Variants in RPS6KC1 observed in about 807,000 individuals in gnomAD.
The protein encoded by RPS6KC1 is ribosomal protein S6 kinase C1, also known as inactive ribosomal protein S6 kinase delta-1.
A neutral mutation model predicts 103.8 loss-of-function variants in RPS6KC1; 54 were observed. The ratio of observed to expected loss-of-function variants is 0.52; its 90% CI spans 0.42 to 0.65. The LOEUF (loss-of-function observed/expected upper bound fraction) is 0.65. Among genes scored for constraint, RPS6KC1 ranks in the 30% least tolerant of loss-of-function variants. The pLI is 0.00. For synonymous variants in RPS6KC1, 439 were observed against 438.7 expected (o/e 1.00, Z -0.01); for missense variants, 1,151 against 1,253.8 (o/e 0.92, Z 1.24).
the RPS6KC1 span, among the ~76,000 whole-genome samples, chr1:213,627,557 G>T: frequency 3.9e-5 from 6 of 152,096 alleles, no homozygotes; most frequent in Non-Finnish European, 8.8e-5. Flanking sequence ...TTGGCTGTGG[G>T]TTTGTCATAG....
chr1:213,398,737 G>A, the RPS6KC1 span, among the ~76,000 whole-genome samples: 3 of 151,844 alleles, frequency 2.0e-5, no homozygotes, highest in South Asian at 4.2e-4. Flanking sequence ...ATTCACCCTT[G>A]GCTTTATCCT....
At chr1:213,795,656 G>A in the RPS6KC1 span, among the ~76,000 whole-genome samples, 30 of 152,052 alleles carry the variant, frequency 2.0e-4, no homozygotes, top group African/African-American at 3.6e-4. Context: ...TTTCTGTTTC[G>A]TTTTATTTTT....
chr1:213,132,054 A>C (rs1438113282), intron 6 of RPS6KC1, among the ~76,000 whole-genome samples: 1 of 152,234 alleles, frequency 6.6e-6, no homozygotes, highest in Non-Finnish European at 1.5e-5. Flanking sequence ...TCTGTGCTTC[A>C]AAATGAGAAT....
chr1:213,496,263 A>G, the RPS6KC1 span, among the ~76,000 whole-genome samples: 1 of 152,242 alleles, frequency 6.6e-6, no homozygotes, highest in Non-Finnish European at 1.5e-5. Context: ...TGCTAAACCT[A>G]CTTATTAAAA....
the RPS6KC1 span, among the ~76,000 whole-genome samples, chr1:213,620,535 C>T: frequency 6.6e-6 from 1 of 152,124 alleles, no homozygotes; most frequent in Non-Finnish European, 1.5e-5. Flanking sequence ...ACTTCTGCCC[C>T]ACTCTACTAG....
the RPS6KC1 span, among the ~76,000 whole-genome samples, chr1:213,751,335 C>T: frequency 6.6e-6 from 1 of 152,120 alleles, no homozygotes; most frequent in African/African-American, 2.4e-5. Flanking sequence ...GTGGCTCCAA[C>T]ATATCAGGAA....
chr1:213,534,284 A>C, the RPS6KC1 span, among the ~76,000 whole-genome samples: 1 of 152,248 alleles, frequency 6.6e-6, no homozygotes, highest in African/African-American at 2.4e-5. Flanking sequence ...GCAAAATTTA[A>C]GGCCTGGAAA....
the RPS6KC1 span, among the ~76,000 whole-genome samples, chr1:213,551,302 C>T: frequency 2.2e-4 from 34 of 152,252 alleles, no homozygotes; most frequent in Middle Eastern, 3.4e-3. Flanking sequence ...TTTCCATTTA[C>T]ATTTCATTGC....
At chr1:213,237,600 TG>T (rs1244599565) in intron 10 of RPS6KC1, among the ~76,000 whole-genome samples, 1 of 152,114 alleles carries the variant, frequency 6.6e-6, no homozygotes, top group Non-Finnish European at 1.5e-5. Context: ...AAGATGATTT[TG>T]ATTACTGTGA....
At chr1:213,257,786 C>CTTTTTTTTTTTTTTTTTT (rs71147062) in intron 12 of RPS6KC1, among the ~76,000 whole-genome samples, 2 of 49,408 alleles carry the variant, frequency 4.0e-5, no homozygotes, top group African/African-American at 1.6e-4. Context: ...ACAGGTAAAA[C>CTTTTTTTTTTTTTTTTTT]TTTTTTTTTT....
the RPS6KC1 span, among the ~76,000 whole-genome samples, chr1:213,632,986 G>T: frequency 6.6e-6 from 1 of 151,844 alleles, no homozygotes; most frequent in Non-Finnish European, 1.5e-5. Flanking sequence ...AGTGAGGAGA[G>T]AAATTTAGAG....
At chr1:213,347,248 A>G in the RPS6KC1 span, among the ~76,000 whole-genome samples, 1 of 152,234 alleles carries the variant, frequency 6.6e-6, no homozygotes, top group Non-Finnish European at 1.5e-5. Context: ...TAATAAGATT[A>G]ATGATTGTAA....
At chr1:213,375,258 TAC>T in the RPS6KC1 span, among the ~76,000 whole-genome samples, 2 of 150,414 alleles carry the variant, frequency 1.3e-5, no homozygotes, top group Non-Finnish European at 3.0e-5. Context: ...TATACACACA[TAC>T]ACACATATAC....
chr1:213,218,453 A>G (rs566081449), intron 8 of RPS6KC1, among the ~76,000 whole-genome samples: 18 of 152,290 alleles, frequency 1.2e-4, no homozygotes, highest in African/African-American at 4.3e-4. Flanking sequence ...GCCCAAGGTA[A>G]TTTATAGATT....
the RPS6KC1 span, among the ~76,000 whole-genome samples, chr1:213,595,683 C>T: frequency 6.6e-6 from 1 of 152,210 alleles, no homozygotes; most frequent in African/African-American, 2.4e-5. Context: ...AGCAGCTCTG[C>T]TAACTTTTTG....
chr1:213,332,530 A>G, the RPS6KC1 span, among the ~76,000 whole-genome samples: 253 of 152,346 alleles, frequency 1.7e-3, no homozygotes, highest in South Asian at 4.1e-3. Flanking sequence ...AGCAGTGCCC[A>G]GGAATTTGGC....
the RPS6KC1 span, among the ~76,000 whole-genome samples, chr1:213,611,989 C>T: frequency 6.6e-6 from 1 of 152,174 alleles, no homozygotes; most frequent in Non-Finnish European, 1.5e-5. Context: ...GATGGATAGA[C>T]CAGGCCAGAT....
chr1:213,377,842 A>T, the RPS6KC1 span, among the ~76,000 whole-genome samples: 1 of 152,194 alleles, frequency 6.6e-6, no homozygotes, highest in East Asian at 1.9e-4. Context: ...GGGAAGCCCT[A>T]CCTCTGAGCT....
chr1:213,218,222 C>T (rs1168547224), intron 8 of RPS6KC1, among the ~76,000 whole-genome samples: 3 of 152,074 alleles, frequency 2.0e-5, no homozygotes, highest in Non-Finnish European at 4.4e-5. Context: ...CATTCTTATA[C>T]ACCAATAACA....
Sources: allele counts gnomAD v4.1 joint callset (sites outside exome capture counted in the v4.1 genomes callset), GRCh38; gene constraint gnomAD v4.1.1; transcripts MANE v1.5; gene names NCBI Gene and HGNC (gene_info 2026-07-23, HGNC 2026-07-21).